EMILIN2: variants seen among roughly 807,000 people sequenced by gnomAD.
EMILIN2 encodes elastin microfibril interfacer 2.
In EMILIN2, 71 loss-of-function variants were observed where a neutral mutation model predicts 87.1. The ratio of observed to expected loss-of-function variants is 0.82; its 90% CI spans 0.67 to 0.99. The LOEUF is 0.99. Ranked by LOEUF, EMILIN2 falls within the 50% of genes least tolerant of loss-of-function variation. The probability of loss-of-function intolerance (pLI) is 0.00; values close to 1 mark genes in which losing one functional copy is unlikely to be tolerated. For missense variants in EMILIN2, 1,407 were observed against 1,371.8 expected (o/e 1.03, Z -0.40); for synonymous variants, 581 against 563.4 (o/e 1.03, Z -0.44).
intron 2 of EMILIN2, among the ~76,000 whole-genome samples, chr18:2,881,872 G>A (rs1158752485): frequency 1.3e-5 from 2 of 152,360 alleles, no homozygotes; most frequent in South Asian, 4.1e-4. Flanking sequence ...CCTGCTAGGT[G>A]GTGGTGGGGA....
chr18:2,870,944 CT>C (rs2076716481), intron 2 of EMILIN2, among the ~76,000 whole-genome samples: 1 of 152,196 alleles, frequency 6.6e-6, no homozygotes, highest in Admixed American at 6.5e-5. Context: ...CCCCACCACC[CT>C]TTTTTTCTTT....
At chr18:2,910,632 C>T (rs765802392) in intron 7 of EMILIN2, among the ~76,000 whole-genome samples, 71 of 152,128 alleles carry the variant, frequency 4.7e-4, no homozygotes, top group Non-Finnish European at 9.9e-4. Context: ...GTGAACAGGG[C>T]CTCCTGGAGG....
intron 2 of EMILIN2, among the ~76,000 whole-genome samples, chr18:2,850,499 C>T (rs748439366): frequency 2.0e-5 from 3 of 151,618 alleles, no homozygotes; most frequent in Non-Finnish European, 4.4e-5. Context: ...TCTAACTGTT[C>T]GGCTCAAGCG....
chr18:2,870,379 C>T (rs1053174709), intron 2 of EMILIN2, among the ~76,000 whole-genome samples: 39 of 152,178 alleles, frequency 2.6e-4, no homozygotes, highest in African/African-American at 9.2e-4. Context: ...TGAAAGAAGA[C>T]TTATTATTTG....
chr18:2,847,260 C>G lies in EMILIN2; in HGVS notation c.72C>G (p.Gly24=). 7.6e-7 allele frequency: 1 copy of G among 1,311,442 alleles called. No homozygotes were observed. The highest frequency in any genetic ancestry group is 9.7e-7 in the Non-Finnish European group (1 of 1,032,836). The allele number at this position is 1,311,442 out of a possible 1,614,324, so 81.2% of individuals were successfully genotyped here. A position where few individuals can be genotyped will look rare whatever the true frequency, so the allele number is the denominator to read the frequency against. The change falls in exon 1 of 8, where the codon GGC becomes GGG. Residue 24 remains glycine (G), a synonymous_variant. Coordinates refer to ENST00000254528, the MANE Select transcript of EMILIN2 (RefSeq NM_032048.3). This position sits in a 1 kb window ranked among gnomAD's most constrained non-coding sequence, Gnocchi z 4.5. ...RWALALLALV[G]AGLCHAGPQP... ...CGCTGGCGCTGCTGGCCCTGGTTGG[C>G]GCGGGGCTGTGCCACGCCGGCCCGC...
At chr18:2,908,236 G>A (rs536724005) in intron 5 of EMILIN2, among the ~76,000 whole-genome samples, 4 of 152,184 alleles carry the variant, frequency 2.6e-5, no homozygotes, top group South Asian at 4.2e-4. Flanking sequence ...GCACCCTTCC[G>A]TGCATGCAGC....
At chr18:2,889,911 A>G (rs2076825699) in intron 3 of EMILIN2, among the ~76,000 whole-genome samples, 1 of 152,060 alleles carries the variant, frequency 6.6e-6, no homozygotes, top group African/African-American at 2.4e-5. Context: ...ACTGATGAAT[A>G]GTTGCTTTAT....
chr18:2,857,695 A>G (rs752463566), intron 2 of EMILIN2, among the ~76,000 whole-genome samples: 1 of 152,192 alleles, frequency 6.6e-6, no homozygotes, highest in African/African-American at 2.4e-5. Flanking sequence ...GGACTGGGGC[A>G]GGGAGGCATG....
chr18:2,915,621 C>T lies in EMILIN2; in HGVS notation c.*2217C>T, dbSNP rs922783798. On this transcript the variant is annotated 3_prime_UTR_variant, in exon 8 of 8. Transcript: ENST00000254528. ...CACTGCAACCTCCGCCTCCCGGGTT[C>T]AAGCAATTCTCCTACCTCAGCCTCC... 6.6e-6 allele frequency: 1 copy of T among 152,308 alleles called. No individual in the cohort carries two copies. Among genetic ancestry groups the T allele is most frequent in the Non-Finnish European group, 1.5e-5 (1 of 68,242 alleles). The allele number at this position is 152,308 out of a possible 1,614,324, so 9.4% of individuals were successfully genotyped here.
intron 2 of EMILIN2, among the ~76,000 whole-genome samples, chr18:2,873,010 A>T (rs2076727709): frequency 6.6e-6 from 1 of 151,962 alleles, no homozygotes; most frequent in Admixed American, 6.6e-5. Context: ...TAAGTGTTTT[A>T]TTTAAATAAA....
intron 4 of EMILIN2, among the ~76,000 whole-genome samples, chr18:2,899,408 T>C (rs2076878313): frequency 6.6e-6 from 1 of 152,232 alleles, no homozygotes; most frequent in Admixed American, 6.5e-5. Flanking sequence ...CCTGGTGGCT[T>C]ACTCATTTAG....
chr18:2,905,784 T>TG (rs1491499942), intron 4 of EMILIN2, among the ~76,000 whole-genome samples: 941 of 34,632 alleles, frequency 0.027, 6 homozygotes, highest in African/African-American at 0.064. Flanking sequence ...TGTTTTTTTG[T>TG]TTTTTTTTTT....
At chr18:2,852,070 C>T (rs73367894) in intron 2 of EMILIN2, among the ~76,000 whole-genome samples, 6,118 of 152,218 alleles carry the variant, frequency 0.04, 404 homozygotes, top group African/African-American at 0.14. Flanking sequence ...GTAGGTTGCA[C>T]AGTACTCAAC....
intron 5 of EMILIN2, among the ~76,000 whole-genome samples, chr18:2,907,819 A>T (rs1175984593): frequency 6.6e-6 from 1 of 152,324 alleles, no homozygotes; most frequent in Middle Eastern, 3.4e-3. Flanking sequence ...GCTATAACAG[A>T]TAAACAGATG....
chr18:2,902,247 G>A (rs1040870835), intron 4 of EMILIN2, among the ~76,000 whole-genome samples: 2 of 152,184 alleles, frequency 1.3e-5, no homozygotes, highest in African/African-American at 4.8e-5. Context: ...TCATAGATAG[G>A]TTGAGCCTTC....
intron 7 of EMILIN2, among the ~76,000 whole-genome samples, chr18:2,911,593 C>T (rs2076941072): frequency 6.6e-6 from 1 of 152,166 alleles, no homozygotes; most frequent in Non-Finnish European, 1.5e-5. Context: ...CTGATGGTTG[C>T]CTGACATTCC....
At chr18:2,858,577 G>GTATATATATATATATATATATATA (rs1389867922) in intron 2 of EMILIN2, among the ~76,000 whole-genome samples, 11 of 64,950 alleles carry the variant, frequency 1.7e-4, no homozygotes, top group East Asian at 4.4e-4. Flanking sequence ...ATATGTGTGT[G>GTATATATATATATATATATATATA]TGTGTGTATA....
chr18:2,909,897 T>C, intron 7 of EMILIN2, 78 bp downstream of exon 7: 1 of 1,573,352 alleles, frequency 6.4e-7, no homozygotes. Context: ...CATGGCTGGC[T>C]GGTTCCCAGC....
At chr18:2,885,606 C>T (rs2076799833) in intron 3 of EMILIN2, among the ~76,000 whole-genome samples, 1 of 152,204 alleles carries the variant, frequency 6.6e-6, no homozygotes, top group Admixed American at 6.5e-5. Context: ...GCAACCTCTG[C>T]CTACCTGGTT....
Sources: gnomAD v4.1 joint callset for allele counts (sites outside exome capture counted in the v4.1 genomes callset) on GRCh38, gnomAD v4.1.1 for gene constraint, Gnocchi (gnomAD v3.1) non-coding constraint, MANE v1.5 for transcripts, NCBI Gene and HGNC (gene_info 2026-07-23, HGNC 2026-07-21) for gene names.